The following FAM114A2 variants were observed in gnomAD, a reference collection of about 807,000 sequenced individuals.
FAM114A2 encodes the protein family with sequence similarity 114 member A2.
In FAM114A2, 53 loss-of-function variants were observed where a neutral mutation model predicts 58.4. The ratio of observed to expected loss-of-function variants is 0.91; its 90% CI spans 0.73 to 1.14. FAM114A2 has a LOEUF of 1.14. Among genes scored for constraint, FAM114A2 ranks in the 50% most tolerant of loss-of-function variants. FAM114A2 has a pLI of 0.00. For synonymous variants in FAM114A2, 228 were observed against 211.4 expected (o/e 1.08, Z -0.68); for missense variants, 601 against 581.1 (o/e 1.03, Z -0.35).
intron 9 of FAM114A2, among the ~76,000 whole-genome samples, chr5:154,010,523 C>A (rs1361517522): frequency 1.3e-5 from 2 of 152,126 alleles, no homozygotes; most frequent in Non-Finnish European, 2.9e-5. Context: ...ATAGCTCTCA[C>A]CTCTCCCTGG....
intron 8 of FAM114A2, among the ~76,000 whole-genome samples, chr5:154,015,054 C>CAT (rs1770946078): frequency 6.6e-6 from 1 of 152,114 alleles, no homozygotes; most frequent in Non-Finnish European, 1.5e-5. Context: ...ACCTGCATGA[C>CAT]ACAGCAGAGG....
intron 8 of FAM114A2, among the ~76,000 whole-genome samples, chr5:154,011,544 C>T (rs1040498230): frequency 5.9e-5 from 9 of 152,020 alleles, no homozygotes; most frequent in Non-Finnish European, 1.3e-4. Context: ...TGCCATTATT[C>T]CATGTTAGAG....
At chr5:154,036,540 T>G (rs777669290) in intron 1 of FAM114A2, among the ~76,000 whole-genome samples, 1 of 152,162 alleles carries the variant, frequency 6.6e-6, no homozygotes, top group African/African-American at 2.4e-5. Context: ...ATGTTTCTAA[T>G]GTATTAGAAA....
Position 154,027,334 on chromosome 5 carries a change from C to T in FAM114A2, c.631G>A (p.Val211Ile), listed in dbSNP as rs770281614. 2.5e-6 allele frequency: 4 copies of T among 1,608,148 alleles called. No homozygotes were observed. The South Asian group carries it at 3.3e-5, about 13-fold the overall frequency. ...TCTTTCTCCTTCGCCTCTCGTAAAACCTAAAAAGAGATGGAGGCATTACAC... is the reference window on the plus strand; with the variant it reads ...TCTTTCTCCTTCGCCTCTCGTAAAATCTAAAAAGAGATGGAGGCATTACAC... ...LMNRNATLSQ[V>I]LREAKEKEEI... is the part of the protein sequence containing the mutation. Residue 211 changes from valine (V) to isoleucine (I), a missense_variant and splice_region_variant, in exon 7 of 14, where the codon GTT becomes ATT. Transcript: ENST00000351797.
At chr5:154,003,887 T>C (rs949115053) in intron 9 of FAM114A2, among the ~76,000 whole-genome samples, 10 of 152,344 alleles carry the variant, frequency 6.6e-5, no homozygotes, top group Admixed American at 5.2e-4. Flanking sequence ...CACATAATGA[T>C]GTTTGGGTCA....
chr5:154,029,150 G>C (rs1373953517), intron 5 of FAM114A2, among the ~76,000 whole-genome samples: 1 of 152,128 alleles, frequency 6.6e-6, no homozygotes, highest in East Asian at 1.9e-4. Context: ...CCTAAAAGAT[G>C]CAACTATGAG....
chr5:154,024,760 T>C (rs944715794), intron 8 of FAM114A2, among the ~76,000 whole-genome samples: 9 of 152,292 alleles, frequency 5.9e-5, no homozygotes, highest in South Asian at 2.1e-4. Context: ...CTTTTACCCA[T>C]GGTGATTTGA....
At chr5:154,013,656 G>C (rs1770841305) in intron 8 of FAM114A2, among the ~76,000 whole-genome samples, 1 of 152,176 alleles carries the variant, frequency 6.6e-6, no homozygotes, top group Non-Finnish European at 1.5e-5. Context: ...TGCAAAGCCA[G>C]ATGTTGAGTA....
At chr5:154,034,482 G>A in intron 2 of FAM114A2, 105 bp from the exon 3 acceptor site, 1 of 693,398 alleles carries the variant, frequency 1.4e-6, no homozygotes, top group Non-Finnish European at 2.5e-6. Flanking sequence ...CAAAAGCATG[G>A]GTGAACAAAT....
chr5:153,998,616 C>T (rs1213364522), intron 11 of FAM114A2, among the ~76,000 whole-genome samples: 3 of 152,192 alleles, frequency 2.0e-5, no homozygotes, highest in Non-Finnish European at 4.4e-5. Flanking sequence ...CACCAGAAGT[C>T]AAGCAGATGC....
chr5:154,029,304 G>C (rs1352158759), intron 5 of FAM114A2, among the ~76,000 whole-genome samples, 185 bp downstream of exon 5: 1 of 151,812 alleles, frequency 6.6e-6, no homozygotes, highest in East Asian at 1.9e-4. Flanking sequence ...CTTCCTTATT[G>C]CTTTAATGAA....
intron 9 of FAM114A2, among the ~76,000 whole-genome samples, chr5:154,003,704 T>G (rs1404517615): frequency 6.6e-6 from 1 of 152,154 alleles, no homozygotes; most frequent in Non-Finnish European, 1.5e-5. Flanking sequence ...CTGCTCACTA[T>G]AAATAATTTT....
rs890143667 is a variant in FAM114A2, at chr5:154,027,209, A to G, written c.756T>C (p.Ala252=). 1 of 1,612,200 alleles carries G rather than the reference A, an allele frequency of 6.2e-7. No individual in the cohort carries two copies. Among genetic ancestry groups the G allele is most frequent in the Non-Finnish European group, 8.5e-7 (1 of 1,179,434 alleles). The change falls in exon 7 of 14, where the codon GCT becomes GCC. Residue 252 remains alanine, a synonymous_variant. Transcript: ENST00000351797. ...DEFQGLSHLE[A]LEMLSQESEI... ...CACTTTCTTGGGAAAGCATCTCCAGAGCTTCTAGATGTGAAAGGCCTTGAA... is the reference window on the plus strand; with the variant it reads ...CACTTTCTTGGGAAAGCATCTCCAGGGCTTCTAGATGTGAAAGGCCTTGAA...
intron 9 of FAM114A2, among the ~76,000 whole-genome samples, chr5:154,005,241 G>A (rs1770274652): frequency 6.6e-6 from 1 of 152,158 alleles, no homozygotes; most frequent in Non-Finnish European, 1.5e-5. Context: ...TTTGGTGGCA[G>A]GTTCTAGATT....
chr5:154,025,063 T>C (rs1771685855), intron 8 of FAM114A2, among the ~76,000 whole-genome samples: 1 of 152,168 alleles, frequency 6.6e-6, no homozygotes, highest in South Asian at 2.1e-4. Context: ...TATCCTATTC[T>C]GAATAGTCTC....
intron 3 of FAM114A2, 60 bp downstream of exon 3, chr5:154,034,218 A>G (rs1214146540): frequency 5.8e-6 from 6 of 1,029,846 alleles, no homozygotes; most frequent in East Asian, 2.4e-5. Flanking sequence ...GTCATATGCA[A>G]TGCAGATCTG....
rs1234078824 is a variant in FAM114A2 at position 153,992,761 on chromosome 5, A to T, written c.*215T>A. 1.6e-5 allele frequency: 6 copies of T among 369,000 alleles called. No homozygotes were observed. The highest frequency in any genetic ancestry group is 2.9e-5 in the Non-Finnish European group (6 of 208,440). The allele number at this position is 369,000 out of a possible 1,614,324, so 22.9% of individuals were successfully genotyped here. A position where few individuals can be genotyped will look rare whatever the true frequency, so the allele number is the denominator to read the frequency against. ...GACTTTCTACAAAAGTTTCTTTTCAAATAATTTATGAATTACAACAACTGG... is the reference window on the plus strand; with the variant it reads ...GACTTTCTACAAAAGTTTCTTTTCATATAATTTATGAATTACAACAACTGG... On this transcript the variant is annotated 3_prime_UTR_variant, in exon 14 of 14. Coordinates refer to ENST00000351797, the MANE Select transcript of FAM114A2 (RefSeq NM_018691.4).
chr5:154,028,529 C>A lies in FAM114A2; in HGVS notation c.496-246G>T, dbSNP rs184779260. Among the ~76,000 whole-genome samples, 3 of 152,198 alleles carry A rather than the reference C, an allele frequency of 2.0e-5. No homozygotes were observed. The East Asian group carries it at 5.8e-4, about 29-fold the overall frequency. On this transcript the variant is annotated intron_variant, in intron 5 of 13. Transcript: ENST00000351797. ...AATTCCACTCATGGTTACATCCTAACAGAAATAAGTACAGAGGTTCATCAG... is the reference window on the plus strand; with the variant it reads ...AATTCCACTCATGGTTACATCCTAAAAGAAATAAGTACAGAGGTTCATCAG...
rs1417259553 is a variant in FAM114A2 at position 153,991,770 on chromosome 5, T to A, written c.*1206A>T. On this transcript the variant is annotated 3_prime_UTR_variant, in exon 14 of 14. Transcript: ENST00000351797. ...AAGTAAATGAAAGGATCAAATAACA[T>A]GATTAATACATTTTATTACAAAGGT... is the stretch of plus-strand genomic sequence containing the variant. The A allele has an allele frequency of 6.6e-6, 1 of 150,680 alleles. No homozygotes were observed. The highest frequency in any genetic ancestry group is 1.5e-5 in the Non-Finnish European group (1 of 67,822). The allele number at this position is 150,680 out of a possible 1,614,324, so 9.3% of individuals were successfully genotyped here.
Sources: allele counts gnomAD v4.1 joint callset (sites outside exome capture counted in the v4.1 genomes callset), GRCh38; gene constraint gnomAD v4.1.1; transcripts MANE v1.5; gene names NCBI Gene and HGNC (gene_info 2026-07-23, HGNC 2026-07-21).